The following MYO5B variants were observed in gnomAD, a reference collection of about 807,000 sequenced individuals.
MYO5B encodes unconventional myosin-Vb.
A neutral mutation model predicts 229.3 loss-of-function variants in MYO5B; 143 were observed. The observed-to-expected ratio is 0.62, with a 90% CI of 0.54 to 0.72. MYO5B has a LOEUF of 0.72. Among genes scored for constraint, MYO5B ranks in the 30% least tolerant of loss-of-function variants. The pLI is 0.00. For missense variants in MYO5B, 2,321 were observed against 2,331.0 expected (o/e 1.00, Z 0.09); for synonymous variants, 918 against 885.2 (o/e 1.04, Z -0.66).
At chr18:50,147,636 T>C (rs997279157) in intron 1 of MYO5B, among the ~76,000 whole-genome samples, 3 of 152,232 alleles carry the variant, frequency 2.0e-5, no homozygotes, top group African/African-American at 4.8e-5. Context: ...TGGCTTTCCA[T>C]GGCTTTAACT....
chr18:49,830,775 G>A (rs953613247), intron 39 of MYO5B, among the ~76,000 whole-genome samples: 1 of 145,084 alleles, frequency 6.9e-6, no homozygotes, highest in African/African-American at 2.5e-5. Context: ...GGAGGTTGCA[G>A]TGAGCCAAGA....
intron 22 of MYO5B, among the ~76,000 whole-genome samples, chr18:49,892,080 G>A (rs2024721906): frequency 6.6e-6 from 1 of 152,170 alleles, no homozygotes; most frequent in South Asian, 2.1e-4. Flanking sequence ...GCCTAGGGCA[G>A]CCCTGGGGGC....
At chr18:50,194,112 T>C (rs1283829739) in intron 1 of MYO5B, among the ~76,000 whole-genome samples, 2 of 152,118 alleles carry the variant, frequency 1.3e-5, no homozygotes, top group African/African-American at 4.8e-5. Flanking sequence ...CCCCAGCAAA[T>C]TCACAATGCT....
chr18:50,011,452 C>T (rs2026159681), intron 4 of MYO5B, among the ~76,000 whole-genome samples: 1 of 152,164 alleles, frequency 6.6e-6, no homozygotes. Flanking sequence ...GAGCCAAACA[C>T]ATATGCTCAA....
intron 31 of MYO5B, chr18:49,849,959 G>T: frequency 4.7e-6 from 2 of 430,064 alleles, no homozygotes; most frequent in Non-Finnish European, 8.7e-6. Context: ...TCCTCCGGTT[G>T]CCATGCCAAC....
intron 1 of MYO5B, among the ~76,000 whole-genome samples, chr18:50,171,271 C>T (rs1342633369): frequency 7.8e-6 from 1 of 127,746 alleles, no homozygotes; most frequent in Admixed American, 8.4e-5. Context: ...TGCAGGCCAA[C>T]GACAGCAGCA....
At chr18:50,106,310 T>A (rs78268095) in intron 1 of MYO5B, among the ~76,000 whole-genome samples, 3 of 152,154 alleles carry the variant, frequency 2.0e-5, no homozygotes, top group African/African-American at 7.2e-5. Context: ...TTCTCCTTAC[T>A]GCAGCCAAAG....
intron 4 of MYO5B, among the ~76,000 whole-genome samples, chr18:50,029,619 C>T (rs748268280): frequency 3.9e-5 from 6 of 152,180 alleles, no homozygotes; most frequent in Non-Finnish European, 8.8e-5. Context: ...TCAACCATAG[C>T]CCATGAATCT....
intron 17 of MYO5B, among the ~76,000 whole-genome samples, chr18:49,928,571 G>C (rs2025155153): frequency 1.3e-5 from 2 of 152,208 alleles, no homozygotes; most frequent in Admixed American, 6.5e-5. Context: ...TTGAACACAG[G>C]AGGCAGAGGT....
At chr18:49,913,886 G>A (rs550218385) in intron 17 of MYO5B, among the ~76,000 whole-genome samples, 1 of 152,162 alleles carries the variant, frequency 6.6e-6, no homozygotes, top group East Asian at 2.0e-4. Flanking sequence ...TGAACACTGA[G>A]AGGAGTTCAC....
At chr18:49,992,068 T>C (rs1010547262) in intron 6 of MYO5B, among the ~76,000 whole-genome samples, 2 of 152,334 alleles carry the variant, frequency 1.3e-5, no homozygotes, top group Admixed American at 6.5e-5. Context: ...CGTTTGTTGA[T>C]TGAATCTGAA....
chr18:50,006,598 C>A (rs555094558), intron 4 of MYO5B, among the ~76,000 whole-genome samples: 10 of 152,218 alleles, frequency 6.6e-5, no homozygotes, highest in African/African-American at 1.2e-4. Flanking sequence ...ACTGGCCCCC[C>A]CTTCTGTGAC....
Position 50,133,334 on chromosome 18 carries a change from A to G in MYO5B, c.27+61433T>C, listed in dbSNP as rs74716634. 3.9e-3 allele frequency among the ~76,000 whole-genome samples: 599 copies of G among 152,356 alleles called. 3 individuals are homozygous for G. The highest frequency in any genetic ancestry group is 0.013 in the African/African-American group (530 of 41,580). On this transcript the variant is annotated intron_variant, in intron 1 of 39. Transcript: ENST00000285039. ...AACCACAAAGAAGATACTACATCCC[A>G]AGATCAGAGAGGAGTTCATGAGAGT...
chr18:50,080,457 A>G (rs1171001842), intron 1 of MYO5B, among the ~76,000 whole-genome samples: 1 of 152,150 alleles, frequency 6.6e-6, no homozygotes, highest in African/African-American at 2.4e-5. Flanking sequence ...CTCTTGACAT[A>G]TGTTATTCCA....
At chr18:50,101,408 T>C (rs2031652487) in intron 1 of MYO5B, among the ~76,000 whole-genome samples, 1 of 152,214 alleles carries the variant, frequency 6.6e-6, no homozygotes, top group Admixed American at 6.5e-5. Flanking sequence ...CTGTAAGTCC[T>C]AGGCATATTG....
At chr18:49,990,570 G>A (rs368541157) in intron 6 of MYO5B, 50 bp from the exon 7 acceptor site, 58 of 1,478,944 alleles carry the variant, frequency 3.9e-5, no homozygotes, top group African/African-American at 3.2e-4. Flanking sequence ...CTCTAACATC[G>A]TTCCCTCTGC....
chr18:49,936,236 C>A lies in MYO5B; in HGVS notation c.2003+16G>T. On this transcript the variant is annotated intron_variant, in intron 16 of 39. Coordinates refer to ENST00000285039, the MANE Select transcript of MYO5B (RefSeq NM_001080467.3). ...TAAGGCTGGGCTGGACAGGCTAATG[C>A]CCAGCAGGCACTTACTGAAAGGGGA... The A allele has an allele frequency of 1.3e-6, 2 of 1,572,028 alleles. No homozygotes were observed. The highest frequency in any genetic ancestry group is 1.2e-5 in the South Asian group (1 of 86,246).
chr18:49,849,780 C>T (rs2024176479), intron 31 of MYO5B, 120 bp from the exon 32 acceptor site: 4 of 795,162 alleles, frequency 5.0e-6, no homozygotes, highest in Middle Eastern at 5.6e-4. Flanking sequence ...CAGAAATGCG[C>T]CAGTCAGGGA....
At chr18:50,076,016 G>A (rs2031070085) in intron 1 of MYO5B, among the ~76,000 whole-genome samples, 2 of 152,190 alleles carry the variant, frequency 1.3e-5, no homozygotes, top group South Asian at 4.1e-4. Flanking sequence ...AGGCCTCAAG[G>A]AAAACCCCTG....
Sources: allele counts gnomAD v4.1 joint callset (sites outside exome capture counted in the v4.1 genomes callset), GRCh38; gene constraint gnomAD v4.1.1; transcripts MANE v1.5; gene names NCBI Gene and HGNC (gene_info 2026-07-23, HGNC 2026-07-21).